The following ARHGAP23 variants were observed in gnomAD, a reference collection of about 807,000 sequenced individuals.
ARHGAP23 encodes the protein Rho GTPase activating protein 23, also known as rho GTPase-activating protein 23.
A neutral mutation model predicts 136.3 loss-of-function variants in ARHGAP23; 34 were observed. The observed-to-expected ratio is 0.25, with a 90% confidence interval of 0.19 to 0.33. The LOEUF is 0.33. ARHGAP23 is among the 10% of genes least tolerant of loss of function. The pLI is 1.00. For missense variants in ARHGAP23, 1,808 were observed against 2,139.0 expected (o/e 0.85, Z 3.05); for synonymous variants, 832 against 920.5 (o/e 0.90, Z 1.74).
chr17:38,475,719 C>T (rs1245502397), intron 11 of ARHGAP23, among the ~76,000 whole-genome samples: 3 of 152,178 alleles, frequency 2.0e-5, no homozygotes, highest in African/African-American at 7.2e-5. Context: ...TATTGATGAG[C>T]CCTTGCATGC....
At chr17:38,444,486 T>C (rs8182236) in intron 1 of ARHGAP23, among the ~76,000 whole-genome samples, 41,671 of 151,970 alleles carry the variant, frequency 0.27, 6,027 homozygotes, top group East Asian at 0.43. Context: ...GCCCCCACAC[T>C]GAGCCAGGTT....
At chr17:38,420,273 C>T (rs746808394) in intron 1 of ARHGAP23, among the ~76,000 whole-genome samples, 22 of 152,334 alleles carry the variant, frequency 1.4e-4, no homozygotes, top group South Asian at 1.0e-3. Flanking sequence ...GGGGGCAGAG[C>T]GAGGGGGCTG....
intron 17 of ARHGAP23, among the ~76,000 whole-genome samples, chr17:38,488,951 CT>C (rs1355803753): frequency 2.0e-5 from 3 of 152,170 alleles, no homozygotes; most frequent in Non-Finnish European, 4.4e-5. Flanking sequence ...TCTCGGCTCA[CT>C]GCAACCTCCG....
intron 16 of ARHGAP23, among the ~76,000 whole-genome samples, chr17:38,482,951 T>C (rs1228935969): frequency 6.6e-6 from 1 of 151,864 alleles, no homozygotes; most frequent in African/African-American, 2.4e-5. Flanking sequence ...TTTGTCCGAG[T>C]GTTTAGGATG....
At chr17:38,469,656 G>C in intron 9 of ARHGAP23, 21 bp downstream of exon 9, 1 of 1,546,226 alleles carries the variant, frequency 6.5e-7, no homozygotes, top group Non-Finnish European at 8.7e-7. Context: ...GTCCGGACAC[G>C]GGGTGGGGTG....
chr17:38,473,380 G>A (rs2039811009), intron 11 of ARHGAP23, among the ~76,000 whole-genome samples: 2 of 152,048 alleles, frequency 1.3e-5, no homozygotes, highest in South Asian at 2.1e-4. Context: ...CGTGGCTTTG[G>A]GCACCCCACT....
At chr17:38,425,652 G>T (rs1211689486), upstream of ARHGAP23, among the ~76,000 whole-genome samples, 3 of 152,170 alleles carry the variant, frequency 2.0e-5, no homozygotes, top group Non-Finnish European at 4.4e-5. Flanking sequence ...CTCTCCCCAT[G>T]TTGGGCTCTA....
chr17:38,469,475 T>C, intron 8 of ARHGAP23, 49 bp from the exon 9 acceptor site: 1 of 1,522,640 alleles, frequency 6.6e-7, no homozygotes, highest in Non-Finnish European at 8.9e-7. Flanking sequence ...GGGAAGCCCC[T>C]GACCTGCTGC....
Position 38,482,694 on chromosome 17 carries a change from G to T in ARHGAP23, c.2907+16G>T, listed in dbSNP as rs762939311. ...GCAGGATGAGGTGGGTGAAGCTGGG[G>T]GGTCTGTGGAAGAGGGGCTGAGATG... is the stretch of plus-strand genomic sequence containing the variant. On this transcript the variant is annotated intron_variant, in intron 16 of 23. Transcript: ENST00000622683. 35 of 1,543,082 alleles carry T rather than the reference G, an allele frequency of 2.3e-5. No homozygotes were observed. The Admixed American group carries it at 2.6e-4, about 11-fold the overall frequency.
Position 38,510,826 on chromosome 17 carries a change from G to A in ARHGAP23, c.4330G>A (p.Asp1444Asn). 1 of 1,508,462 alleles carries A rather than the reference G, an allele frequency of 6.6e-7. No individual in the cohort carries two copies. Among genetic ancestry groups the A allele is most frequent in the Non-Finnish European group, 8.8e-7 (1 of 1,133,212 alleles). The allele number at this position is 1,508,462 out of a possible 1,614,324, so 93.4% of individuals were successfully genotyped here. The change falls in exon 24 of 24, where the codon GAC becomes AAC. Residue 1444 changes from aspartate (D) to asparagine (N), a missense_variant. Coordinates refer to ENST00000622683, the MANE Select transcript of ARHGAP23 (RefSeq NM_001199417.2). This position sits in a 1 kb window ranked among gnomAD's most constrained non-coding sequence, Gnocchi z 4.6. Reference sequence around the variant, plus strand: ...CGCGCGGGCGCACAGTGACAACAAGGACTCCGGACTCAGCAGCCTGGAGTC... The same window carrying A: ...CGCGCGGGCGCACAGTGACAACAAGAACTCCGGACTCAGCAGCCTGGAGTC... ...AGARAHSDNK[D>N]SGLSSLESTK... is the part of the protein sequence containing the mutation.
chr17:38,447,460 A>G (rs1197523000), intron 1 of ARHGAP23, among the ~76,000 whole-genome samples: 2 of 150,900 alleles, frequency 1.3e-5, no homozygotes, highest in African/African-American at 2.4e-5. Context: ...AAAAAAAAAA[A>G]AAAAAGAAAT....
At chr17:38,454,641 G>T (rs1409617922) in intron 1 of ARHGAP23, among the ~76,000 whole-genome samples, 2 of 152,180 alleles carry the variant, frequency 1.3e-5, no homozygotes, top group African/African-American at 4.8e-5. Context: ...GGTAGTGAGT[G>T]CTCTCAGGGC....
At chr17:38,468,760 G>A (rs1274113656) in intron 7 of ARHGAP23, among the ~76,000 whole-genome samples, 5 of 152,164 alleles carry the variant, frequency 3.3e-5, no homozygotes, top group African/African-American at 1.2e-4. Context: ...TCAGTCTGAT[G>A]GGGAAGACAC....
chr17:38,502,444 T>C (rs2040542871), intron 23 of ARHGAP23, among the ~76,000 whole-genome samples: 1 of 152,252 alleles, frequency 6.6e-6, no homozygotes, highest in Admixed American at 6.5e-5. Flanking sequence ...CAAATACTTG[T>C]TGAACGTCTA....
intron 1 of ARHGAP23, among the ~76,000 whole-genome samples, chr17:38,437,902 A>T (rs2038835732): frequency 6.6e-6 from 1 of 152,022 alleles, no homozygotes; most frequent in Non-Finnish European, 1.5e-5. Context: ...TTTGCTCGTG[A>T]GTGGCGTGGG....
At position 38,463,214 on chromosome 17, in the gene ARHGAP23, C is replaced by T. The variant is rs58915644; in HGVS notation, c.428+18C>T. ...CAGAATAGGTGAGTGTCCCTGACCC[C>T]TCGTCCCATATTATCTCCCCTCCCC... On this transcript the variant is annotated intron_variant, in intron 5 of 23. Transcript: ENST00000622683. 0.058 allele frequency: 89,806 copies of T among 1,550,976 alleles called. 3,021 individuals carry two copies. The highest frequency in any genetic ancestry group is 0.085 in the Middle Eastern group (508 of 5,986).
intron 1 of ARHGAP23, among the ~76,000 whole-genome samples, chr17:38,448,541 C>G (rs1470062578): frequency 6.6e-6 from 1 of 151,770 alleles, no homozygotes; most frequent in African/African-American, 2.4e-5. Flanking sequence ...AGTCTCATAT[C>G]TAGAAAGTGG....
At chr17:38,493,827 TG>T (rs1476653530) in intron 20 of ARHGAP23, among the ~76,000 whole-genome samples, 1 of 152,210 alleles carries the variant, frequency 6.6e-6, no homozygotes, top group Non-Finnish European at 1.5e-5. Context: ...AGAGCAAACC[TG>T]GGTGTCTGAT....
intron 1 of ARHGAP23, among the ~76,000 whole-genome samples, chr17:38,422,027 C>A (rs1356551603): frequency 6.6e-6 from 1 of 152,166 alleles, no homozygotes; most frequent in African/African-American, 2.4e-5. Context: ...GAGCCTGGAA[C>A]AGAAGCAGGA....
Sources: gnomAD v4.1 joint callset for allele counts (sites outside exome capture counted in the v4.1 genomes callset) on GRCh38, gnomAD v4.1.1 for gene constraint, Gnocchi (gnomAD v3.1) non-coding constraint, MANE v1.5 for transcripts, NCBI Gene and HGNC (gene_info 2026-07-23, HGNC 2026-07-21) for gene names.